Variants in PTPN4 observed in about 807,000 individuals in gnomAD.
PTPN4 encodes the protein protein tyrosine phosphatase non-receptor type 4, also known as tyrosine-protein phosphatase non-receptor type 4.
A neutral mutation model predicts 135.5 loss-of-function variants in PTPN4; 49 were observed. The observed-to-expected ratio is 0.36, with a 90% CI of 0.29 to 0.46. The LOEUF is 0.46. Among genes scored for constraint, PTPN4 ranks in the 20% least tolerant of loss-of-function variants. The pLI, the probability that PTPN4 is intolerant of heterozygous loss-of-function variation, is 1.00. For synonymous variants in PTPN4, 333 were observed against 369.9 expected (o/e 0.90, Z 1.14); for missense variants, 860 against 1,101.0 (o/e 0.78, Z 3.10).
chr2:119,772,713 A>G (rs1166648874), intron 1 of PTPN4, among the ~76,000 whole-genome samples: 1 of 151,816 alleles, frequency 6.6e-6, no homozygotes, highest in African/African-American at 2.4e-5. Context: ...AATTTTTTAT[A>G]TTTTTGGTAG....
chr2:119,949,071 GTCAAGGAT>G (rs1209924104), intron 18 of PTPN4, among the ~76,000 whole-genome samples: 6 of 152,104 alleles, frequency 3.9e-5, no homozygotes, highest in Admixed American at 3.9e-4. Context: ...TTTCAATTAA[GTCAAGGAT>G]TCAGAGAATA....
chr2:119,936,104 G>A (rs774891875), intron 15 of PTPN4, among the ~76,000 whole-genome samples: 4 of 151,918 alleles, frequency 2.6e-5, no homozygotes, highest in East Asian at 3.9e-4. Flanking sequence ...CCGGGTTCAC[G>A]CCATTCTCCT....
intron 10 of PTPN4, among the ~76,000 whole-genome samples, chr2:119,910,921 A>G (rs930389208): frequency 3.3e-5 from 5 of 152,180 alleles, no homozygotes; most frequent in Admixed American, 2.6e-4. Context: ...CCATTAATAA[A>G]TTTCACAACG....
intron 1 of PTPN4, among the ~76,000 whole-genome samples, chr2:119,795,899 G>A (rs1691248152): frequency 6.6e-6 from 1 of 152,220 alleles, no homozygotes; most frequent in Admixed American, 6.5e-5. Flanking sequence ...CAGGAGCGAG[G>A]GGAGGCATGG....
Position 119,955,185 on chromosome 2 carries a change from A to T in PTPN4, c.1842A>T (p.Leu614=). 6.2e-7 allele frequency: 1 copy of T among 1,610,940 alleles called. No homozygotes were observed. Among genetic ancestry groups the T allele is most frequent in the Non-Finnish European group, 8.5e-7 (1 of 1,179,146 alleles). ...NAVYDVVEEK[L]ENEPDFQYIP... ...TATATGATGTAGTGGAAGAAAAGCT[A>T]GAAAATGAGCCAGATTTCCAGTATA... is the stretch of plus-strand genomic sequence containing the variant. The change falls in exon 20 of 27, where the codon CTA becomes CTT. Residue 614 remains leucine, a synonymous_variant. Coordinates refer to ENST00000263708, the MANE Select transcript of PTPN4 (RefSeq NM_002830.4).
chr2:119,929,360 G>A (rs191228315), intron 13 of PTPN4, among the ~76,000 whole-genome samples: 1 of 150,878 alleles, frequency 6.6e-6, no homozygotes, highest in Admixed American at 6.6e-5. Flanking sequence ...TTTTTCTTTG[G>A]GTTTTAGTTG....
intron 9 of PTPN4, among the ~76,000 whole-genome samples, chr2:119,891,926 G>A (rs1678246518): frequency 6.6e-6 from 1 of 152,144 alleles, no homozygotes; most frequent in African/African-American, 2.4e-5. Context: ...ATTTGCTTTT[G>A]TAGGGGAGGA....
chr2:119,891,859 A>G (rs1461461981), intron 9 of PTPN4, among the ~76,000 whole-genome samples: 1 of 152,052 alleles, frequency 6.6e-6, no homozygotes, highest in African/African-American at 2.4e-5. Context: ...TTGCTATTTC[A>G]TGTTTCCTGT....
At chr2:119,837,028 C>T (rs142218514) in intron 2 of PTPN4, among the ~76,000 whole-genome samples, 85 of 152,310 alleles carry the variant, frequency 5.6e-4, no homozygotes, top group African/African-American at 1.5e-3. Context: ...GGAAGGTTCC[C>T]GGTGAAGCCC....
At position 119,946,631 on chromosome 2, in the gene PTPN4, A is replaced by G. The variant is rs114580770; in HGVS notation, c.1656+57A>G. On this transcript the variant is annotated intron_variant, in intron 18 of 26. Transcript: ENST00000263708. ...GTTTTCAAGAATATGTACTTATTTT[A>G]TAATTCTTACTAGTTTAAATAAAAC... 4,114 of 1,280,606 alleles carry G rather than the reference A, an allele frequency of 3.2e-3. 109 individuals are homozygous for G. In the African/African-American group the frequency reaches 0.052, roughly 16 times the overall value. 79.3% of individuals were successfully genotyped at this position (1,280,606 alleles called of 1,614,324 possible).
chr2:119,950,821 C>A (rs556463366), intron 18 of PTPN4, among the ~76,000 whole-genome samples: 3 of 152,136 alleles, frequency 2.0e-5, no homozygotes, highest in South Asian at 2.1e-4. Flanking sequence ...TGCTATAGTG[C>A]AAGACTATAA....
At chr2:119,923,961 C>G (rs1298819803) in intron 12 of PTPN4, among the ~76,000 whole-genome samples, 2 of 151,904 alleles carry the variant, frequency 1.3e-5, no homozygotes, top group African/African-American at 4.8e-5. Flanking sequence ...TGCGGTGAAA[C>G]CCTGTCTCTA....
intron 1 of PTPN4, among the ~76,000 whole-genome samples, chr2:119,766,735 G>A (rs571589551): frequency 1.3e-5 from 2 of 152,288 alleles, no homozygotes; most frequent in South Asian, 2.1e-4. Context: ...GAGACCAGAT[G>A]CTGTTGCAGT....
intron 9 of PTPN4, among the ~76,000 whole-genome samples, chr2:119,899,289 T>C (rs936348443): frequency 2.6e-5 from 4 of 152,202 alleles, no homozygotes; most frequent in Non-Finnish European, 4.4e-5. Context: ...TTACCACAGC[T>C]GCTCCCTACC....
intron 18 of PTPN4, among the ~76,000 whole-genome samples, chr2:119,947,869 T>C (rs1679159430): frequency 6.6e-6 from 1 of 152,086 alleles, no homozygotes; most frequent in Non-Finnish European, 1.5e-5. Context: ...TCAATCCATG[T>C]AGTAGGATGT....
chr2:119,878,917 C>A (rs1355270321), intron 5 of PTPN4, among the ~76,000 whole-genome samples: 1 of 151,548 alleles, frequency 6.6e-6, no homozygotes, highest in Non-Finnish European at 1.5e-5. Flanking sequence ...CACGGTGAAA[C>A]CCCATCTCTA....
Position 119,862,652 on chromosome 2 carries a change from A to G in PTPN4, c.246+9A>G, listed in dbSNP as rs1267647485. On this transcript the variant is annotated intron_variant, in intron 3 of 26. Transcript: ENST00000263708. ...ATTCCACAGATAACCCAGTAAGTGT[A>G]AGATTTTGTCTTTCATTTTCATTTA... is the stretch of plus-strand genomic sequence containing the variant. 1.9e-6 allele frequency: 3 copies of G among 1,587,520 alleles called. No individual in the cohort carries two copies. Among genetic ancestry groups the G allele is most frequent in the African/African-American group, 2.7e-5 (2 of 74,148 alleles).
chr2:119,888,846 A>G (rs1202608982), intron 9 of PTPN4, among the ~76,000 whole-genome samples: 2 of 152,078 alleles, frequency 1.3e-5, no homozygotes, highest in Non-Finnish European at 2.9e-5. Context: ...TGCTGACCTT[A>G]TAGAATGAGT....
chr2:119,948,578 A>C (rs1004503227), intron 18 of PTPN4, among the ~76,000 whole-genome samples: 8 of 152,168 alleles, frequency 5.3e-5, no homozygotes, highest in Non-Finnish European at 1.2e-4. Flanking sequence ...TAACAGTTTA[A>C]AGTGGAAAAA....
Sources: gnomAD v4.1 joint callset for allele counts (sites outside exome capture counted in the v4.1 genomes callset) on GRCh38, gnomAD v4.1.1 for gene constraint, MANE v1.5 for transcripts, NCBI Gene and HGNC (gene_info 2026-07-23, HGNC 2026-07-21) for gene names.